The following WFDC10B variants were observed in gnomAD, a reference collection of about 807,000 sequenced individuals.
WFDC10B encodes the protein protein WFDC10B.
In WFDC10B, 1 loss-of-function variant was observed where a neutral mutation model predicts 2.7. The ratio of observed to expected loss-of-function variants is 0.38; its 90% CI spans 0.13 to 1.79. The LOEUF (loss-of-function observed/expected upper bound fraction) is 1.79, where lower values mean the gene tolerates loss of function less well. Among genes scored for constraint, WFDC10B ranks in the 40% most tolerant of loss-of-function variants. The pLI is 0.33. For synonymous variants in WFDC10B, 26 were observed against 32.2 expected, an observed-to-expected ratio of 0.81 and a Z score of 0.65; for missense variants, 71 against 87.8, an observed-to-expected ratio of 0.81 and a Z score of 0.76.
chr20:45,690,155 T>C (rs1347355668), intron 2 of WFDC10B, among the ~76,000 whole-genome samples: 1 of 151,958 alleles, frequency 6.6e-6, no homozygotes, highest in African/African-American at 2.4e-5. Flanking sequence ...TTGATTTGCG[T>C]ATATTGAACC....
At chr20:45,687,640 C>T (rs537730805) in intron 2 of WFDC10B, among the ~76,000 whole-genome samples, 8 of 152,224 alleles carry the variant, frequency 5.3e-5, no homozygotes, top group East Asian at 1.9e-4. Context: ...AGCATGAAAG[C>T]GTTCCTATTT....
chr20:45,687,349 C>T (rs546039738), intron 2 of WFDC10B, among the ~76,000 whole-genome samples: 10 of 152,204 alleles, frequency 6.6e-5, no homozygotes, highest in East Asian at 1.9e-4. Flanking sequence ...GATCTCATTC[C>T]TTTTTATGCC....
intron 2 of WFDC10B, among the ~76,000 whole-genome samples, chr20:45,688,414 G>A (rs1983702585): frequency 6.6e-6 from 1 of 152,082 alleles, no homozygotes; most frequent in Non-Finnish European, 1.5e-5. Context: ...TGGGTCAAAT[G>A]GTATTTCTAG....
intron 2 of WFDC10B, among the ~76,000 whole-genome samples, chr20:45,693,110 T>C (rs1983867215): frequency 6.6e-6 from 1 of 152,208 alleles, no homozygotes; most frequent in Non-Finnish European, 1.5e-5. Flanking sequence ...CCTGTTTGCC[T>C]GGGTATCAGC....
intron 2 of WFDC10B, chr20:45,702,192 T>C (rs753111448): frequency 6.2e-7 from 1 of 1,612,628 alleles, no homozygotes; most frequent in African/African-American, 1.3e-5. Flanking sequence ...TGCCTGGGAG[T>C]CCCAAGCAGC....
intron 2 of WFDC10B, among the ~76,000 whole-genome samples, chr20:45,693,511 C>G (rs1187371124): frequency 6.6e-6 from 1 of 152,226 alleles, no homozygotes; most frequent in African/African-American, 2.4e-5. Flanking sequence ...GCTTTGTTTA[C>G]CTAAGCAAGC....
intron 3 of WFDC10B, among the ~76,000 whole-genome samples, chr20:45,685,472 C>T (rs1253806868): frequency 6.6e-6 from 1 of 152,160 alleles, no homozygotes; most frequent in Non-Finnish European, 1.5e-5. Context: ...CCTGTATACT[C>T]CAACTTTTCA....
In WFDC10B at chr20:45,685,920, C is replaced by T. The variant is rs758974069; in HGVS notation, c.73G>A (p.Asp25Asn). 6.2e-7 allele frequency: 1 copy of T among 1,614,098 alleles called. No individual in the cohort carries two copies. The highest frequency in any genetic ancestry group is 1.1e-5 in the South Asian group (1 of 91,062). ...CACCTACTCTGCATCCTCATCTTGT[C>T]ACGGTATCCTCCCTGGGCCTGCAGC... ...LLLQAQGGYRDKMRMQRIKVC... is the reference protein window; with the variant it reads ...LLLQAQGGYRNKMRMQRIKVC... Residue 25 changes from aspartate to asparagine, a missense_variant, in exon 3 of 4, where the codon GAC becomes AAC. Coordinates refer to ENST00000330523, the MANE Select transcript of WFDC10B (RefSeq NM_172006.2).
In WFDC10B at chr20:45,703,777, G is replaced by A. The variant is rs539424389; in HGVS notation, c.-65+720C>T. Among the ~76,000 whole-genome samples, 23 of 152,244 alleles carry A rather than the reference G, an allele frequency of 1.5e-4. No homozygotes were observed. In the South Asian group the frequency reaches 3.7e-3, roughly 25 times the overall value. ...TATTCTTCTCTAACAGTAGAAAGTGGGGCATCCTGGTGCTCTGGCCTCCTG... is the reference window on the plus strand; with the variant it reads ...TATTCTTCTCTAACAGTAGAAAGTGAGGCATCCTGGTGCTCTGGCCTCCTG... On this transcript the variant is annotated intron_variant, in intron 2 of 3. Coordinates refer to ENST00000330523, the MANE Select transcript of WFDC10B (RefSeq NM_172006.2).
At chr20:45,694,719 G>A (rs1007769735) in intron 2 of WFDC10B, among the ~76,000 whole-genome samples, 2 of 152,116 alleles carry the variant, frequency 1.3e-5, no homozygotes, top group South Asian at 2.1e-4. Flanking sequence ...AGCCCCTTTC[G>A]ATTCCACCTC....
chr20:45,702,132 T>C (rs1028908608), intron 2 of WFDC10B: 1 of 1,613,042 alleles, frequency 6.2e-7, no homozygotes, highest in South Asian at 1.1e-5. Context: ...CCATGAAGCC[T>C]GTGCTGCCTC....
chr20:45,688,831 G>A (rs925567167), intron 2 of WFDC10B, among the ~76,000 whole-genome samples: 2 of 152,146 alleles, frequency 1.3e-5, no homozygotes, highest in Admixed American at 6.5e-5. Flanking sequence ...CTATGCAGAA[G>A]CTCTTTAGTT....
chr20:45,690,168 C>G (rs1423801226), intron 2 of WFDC10B, among the ~76,000 whole-genome samples: 1 of 151,444 alleles, frequency 6.6e-6, no homozygotes, highest in Non-Finnish European at 1.5e-5. Flanking sequence ...ATTGAACCAG[C>G]CTTGCATCCC....
rs779806639 is a variant in WFDC10B, at chr20:45,702,036, C to CCCT, written c.-65+2458_-65+2460dup. 49 of 1,267,106 alleles carry CCCT rather than the reference C, an allele frequency of 3.9e-5. No individual in the cohort carries two copies. The South Asian group carries it at 5.8e-4, about 15-fold the overall frequency. The allele number at this position is 1,267,106 out of a possible 1,614,324, so 78.5% of individuals were successfully genotyped here. On this transcript the variant is annotated intron_variant, in intron 2 of 3. Transcript: ENST00000330523. ...CTAGTCACACTGGGCCTCCACTTTGCCCTCTTTCCTTCTCTTCTCCTCACA... is the reference window on the plus strand; with the variant it reads ...CTAGTCACACTGGGCCTCCACTTTGCCCTCCTCTTTCCTTCTCTTCTCCTCACA...
chr20:45,692,824 A>C (rs1983858239), intron 2 of WFDC10B, among the ~76,000 whole-genome samples: 1 of 152,138 alleles, frequency 6.6e-6, no homozygotes, highest in African/African-American at 2.4e-5. Flanking sequence ...TTCTTCTCTC[A>C]ACTTGTCAAA....
rs1162151814 is a variant in WFDC10B, at chr20:45,687,858, CT to C, written c.-64-1803del. Reference sequence around the variant, plus strand: ...TTTTTAATGGGATTGCTTGTCTTTTCTTTTATTATTATTATTATTATTATTA... The same window carrying C: ...TTTTTAATGGGATTGCTTGTCTTTTCTTTATTATTATTATTATTATTATTA... On this transcript the variant is annotated intron_variant, in intron 2 of 3. Transcript: ENST00000330523. 2.5e-4 allele frequency among the ~76,000 whole-genome samples: 31 copies of C among 124,938 alleles called. No homozygotes were observed. In the Admixed American group the frequency reaches 2.5e-3, roughly 10 times the overall value. The allele number at this position is 124,938 out of a possible 152,430, so 82.0% of individuals were successfully genotyped here. A position where few individuals can be genotyped will look rare whatever the true frequency, so the allele number is the denominator to read the frequency against.
chr20:45,689,212 G>T (rs1325201688), intron 2 of WFDC10B, among the ~76,000 whole-genome samples: 4 of 151,252 alleles, frequency 2.6e-5, no homozygotes, highest in African/African-American at 7.4e-5. Flanking sequence ...CTCTGTTTTG[G>T]TACCAGTACC....
intron 2 of WFDC10B, among the ~76,000 whole-genome samples, chr20:45,688,541 G>T (rs184222344): frequency 4.6e-5 from 7 of 152,226 alleles, no homozygotes; most frequent in Non-Finnish European, 8.8e-5. Flanking sequence ...ATTCTAACTG[G>T]TGTGAGATGA....
intron 2 of WFDC10B, among the ~76,000 whole-genome samples, chr20:45,692,859 C>T (rs926267598): frequency 1.6e-4 from 24 of 152,284 alleles, no homozygotes; most frequent in African/African-American, 5.5e-4. Flanking sequence ...AGCTTTGTTC[C>T]ATTGCTGGTG....
Sources: allele counts gnomAD v4.1 joint callset (sites outside exome capture counted in the v4.1 genomes callset), GRCh38; gene constraint gnomAD v4.1.1; transcripts MANE v1.5; gene names NCBI Gene and HGNC (gene_info 2026-07-23, HGNC 2026-07-21).